HECW2: variants seen among roughly 807,000 people sequenced by gnomAD.
HECW2 encodes HECT, C2 and WW domain containing E3 ubiquitin protein ligase 2, also known as E3 ubiquitin-protein ligase HECW2.
HECW2 carries 61 observed loss-of-function variants against 175.2 expected under a neutral mutation model. The ratio of observed to expected loss-of-function variants is 0.35; its 90% CI spans 0.28 to 0.43. HECW2 has a LOEUF of 0.43. Ranked by LOEUF, HECW2 falls within the 20% of genes least tolerant of loss-of-function variation. HECW2 has a pLI of 1.00. For synonymous variants in HECW2, 671 were observed against 731.0 expected (o/e 0.92, Z 1.32); for missense variants, 1,524 against 2,000.5 (o/e 0.76, Z 4.54).
chr2:196,423,236 T>C lies in HECW2; in HGVS notation c.292+9896A>G, dbSNP rs141349017. ...AACCTTACAATCTGCCCAAGCACTG[T>C]GCCGAGCATTTTATATGCAATATCT... On this transcript the variant is annotated intron_variant, in intron 2 of 28. Coordinates refer to ENST00000644978, the MANE Select transcript of HECW2 (RefSeq NM_001348768.2). Among the ~76,000 whole-genome samples the C allele has an allele frequency of 2.9e-3, 438 of 152,266 alleles. 1 individual carries two copies. The highest frequency in any genetic ancestry group is 9.5e-3 in the African/African-American group (395 of 41,568).
At chr2:196,287,413 T>C (rs1261525801) in intron 14 of HECW2, among the ~76,000 whole-genome samples, 2 of 152,212 alleles carry the variant, frequency 1.3e-5, no homozygotes, top group Non-Finnish European at 2.9e-5. Flanking sequence ...AGTTCAAAGT[T>C]TCTTCGCATC....
At chr2:196,206,190 C>G (rs1221103984) in intron 28 of HECW2, among the ~76,000 whole-genome samples, 3 of 152,196 alleles carry the variant, frequency 2.0e-5, no homozygotes, top group African/African-American at 7.2e-5. Context: ...TCTTTCAAAG[C>G]CAGTCACACT....
intron 1 of HECW2, among the ~76,000 whole-genome samples, chr2:196,569,278 G>A (rs1440407903): frequency 6.6e-6 from 1 of 152,092 alleles, no homozygotes; most frequent in East Asian, 1.9e-4. Context: ...GGAGTTCAAG[G>A]TTATAATGAG....
chr2:196,267,636 A>G (rs1396208437), intron 17 of HECW2, among the ~76,000 whole-genome samples: 2 of 152,244 alleles, frequency 1.3e-5, no homozygotes, highest in South Asian at 2.1e-4. Flanking sequence ...AGTAAAAGCC[A>G]TATCACAATG....
At chr2:196,357,057 G>C (rs1693397960) in intron 2 of HECW2, among the ~76,000 whole-genome samples, 1 of 152,194 alleles carries the variant, frequency 6.6e-6, no homozygotes, top group Non-Finnish European at 1.5e-5. Flanking sequence ...ATTTAAAGCA[G>C]GGAAGTGACA....
At position 196,433,454 on chromosome 2, in the gene HECW2, C is replaced by T. The variant is rs754406258; in HGVS notation, c.-31G>A. ...CTGCTTCTCTGGGATTGGCTGCCTACAAAGCTGCAAGAGACAGATAAACAT... is the reference window on the plus strand; with the variant it reads ...CTGCTTCTCTGGGATTGGCTGCCTATAAAGCTGCAAGAGACAGATAAACAT... On this transcript the variant is annotated 5_prime_UTR_variant, in exon 2 of 29. Transcript: ENST00000644978. 2 of 1,599,150 alleles carry T rather than the reference C, an allele frequency of 1.3e-6. No individual in the cohort carries two copies. Among genetic ancestry groups the T allele is most frequent in the South Asian group, 2.2e-5 (2 of 89,110 alleles).
intron 1 of HECW2, among the ~76,000 whole-genome samples, chr2:196,456,347 C>T (rs911848336): frequency 1.7e-4 from 26 of 152,312 alleles, no homozygotes; most frequent in African/African-American, 5.3e-4. Context: ...ATGAGCCAGA[C>T]TCTAAGCTAT....
intron 10 of HECW2, among the ~76,000 whole-genome samples, chr2:196,315,409 C>A (rs1352717002): frequency 6.6e-6 from 1 of 152,066 alleles, no homozygotes; most frequent in Non-Finnish European, 1.5e-5. Flanking sequence ...ACTGGCCCCC[C>A]ACCCACTAAA....
intron 16 of HECW2, among the ~76,000 whole-genome samples, chr2:196,273,049 A>ATTTTTTTTTTTTTTTTTTTTTTTTTTT (rs778348590): frequency 2.7e-5 from 3 of 113,120 alleles, no homozygotes; most frequent in African/African-American, 7.7e-5. Flanking sequence ...AGCTGGTCTA[A>ATTTTTTTTTTTTTTTTTTTTTTTTTTT]TTTTTTTTTT....
In HECW2 at chr2:196,470,395, A is replaced by G. The variant is rs557024929; in HGVS notation, c.-35-36937T>C. Among the ~76,000 whole-genome samples the G allele has an allele frequency of 1.5e-4, 23 of 152,302 alleles. No individual in the cohort carries two copies. In the East Asian group the frequency reaches 4.4e-3, roughly 29 times the overall value. On this transcript the variant is annotated intron_variant, in intron 1 of 28. Coordinates refer to ENST00000644978, the MANE Select transcript of HECW2 (RefSeq NM_001348768.2). ...TTTGTTAACACTGCTAAATTTAGGGATATTTTGCAAATGAGTAAGGATTAG... is the reference window on the plus strand; with the variant it reads ...TTTGTTAACACTGCTAAATTTAGGGGTATTTTGCAAATGAGTAAGGATTAG...
intron 13 of HECW2, among the ~76,000 whole-genome samples, chr2:196,305,945 C>T (rs137924896): frequency 6.2e-4 from 95 of 152,214 alleles, no homozygotes; most frequent in South Asian, 2.5e-3. Flanking sequence ...CTCGGAGACT[C>T]GTGGAATAAT....
intron 15 of HECW2, among the ~76,000 whole-genome samples, chr2:196,278,270 C>G (rs937098555): frequency 6.7e-6 from 1 of 148,498 alleles, no homozygotes; most frequent in Admixed American, 6.8e-5. Context: ...TCAACACCCT[C>G]TCACCTTCCT....
intron 23 of HECW2, among the ~76,000 whole-genome samples, chr2:196,224,211 G>T (rs1029758014): frequency 6.6e-6 from 1 of 152,166 alleles, no homozygotes; most frequent in Non-Finnish European, 1.5e-5. Context: ...ACTATTAACT[G>T]TAACTGGGCA....
chr2:196,540,458 A>G (rs573426308), intron 1 of HECW2, among the ~76,000 whole-genome samples: 104 of 152,158 alleles, frequency 6.8e-4, no homozygotes, highest in Non-Finnish European at 1.3e-3. Context: ...TTATTTTTAG[A>G]GACAGGTTCT....
chr2:196,457,121 T>C (rs993741866), intron 1 of HECW2, among the ~76,000 whole-genome samples: 2 of 152,194 alleles, frequency 1.3e-5, no homozygotes, highest in African/African-American at 4.8e-5. Flanking sequence ...AATCAAGATA[T>C]GAAATTCTAT....
intron 1 of HECW2, among the ~76,000 whole-genome samples, chr2:196,500,839 T>A (rs1687554872): frequency 6.6e-6 from 1 of 152,186 alleles, no homozygotes; most frequent in South Asian, 2.1e-4. Flanking sequence ...CCACCCCATC[T>A]CTGTCAACAG....
intron 28 of HECW2, among the ~76,000 whole-genome samples, chr2:196,212,934 A>G (rs905812461): frequency 1.3e-5 from 2 of 152,246 alleles, no homozygotes; most frequent in African/African-American, 2.4e-5. Flanking sequence ...CACTGGGGCC[A>G]ACTAGCTTGA....
intron 23 of HECW2, among the ~76,000 whole-genome samples, chr2:196,223,333 T>G (rs1230386652): frequency 6.6e-6 from 1 of 152,198 alleles, no homozygotes; most frequent in Non-Finnish European, 1.5e-5. Context: ...AGAGCACACA[T>G]GAGGGGCCTT....
rs1177783720 is a variant in HECW2 at position 196,220,794 on chromosome 2, C to G, written c.4293+1G>C. 6.2e-7 allele frequency: 1 copy of G among 1,614,016 alleles called. No individual in the cohort carries two copies. The highest frequency in any genetic ancestry group is 1.7e-5 in the Admixed American group (1 of 60,018). On this transcript the variant is annotated splice_donor_variant, in intron 25 of 28. Transcript: ENST00000644978. LOFTEE classifies it high-confidence loss of function. ...CTCCTCCTACTGCTGATTGTCTTTA[C>G]CTCATAGAAGCCACGCACTAAGCTC...
Sources: allele counts gnomAD v4.1 joint callset (sites outside exome capture counted in the v4.1 genomes callset), GRCh38; gene constraint gnomAD v4.1.1; transcripts MANE v1.5; gene names NCBI Gene and HGNC (gene_info 2026-07-23, HGNC 2026-07-21).